The following CNTNAP5 variants were observed in gnomAD, a reference collection of about 807,000 sequenced individuals.
CNTNAP5 encodes the protein contactin associated protein family member 5, also known as contactin-associated protein-like 5.
Under a neutral mutation model 150.2 loss-of-function variants are expected in CNTNAP5, and 72 were observed. The ratio of observed to expected loss-of-function variants is 0.48; its 90% CI spans 0.40 to 0.58. The LOEUF is 0.58. Ranked by LOEUF, CNTNAP5 falls within the 20% of genes least tolerant of loss-of-function variation. The pLI is 0.00. For missense variants in CNTNAP5, 1,636 were observed against 1,626.2 expected, an observed-to-expected ratio of 1.01 and a Z score of -0.10; for synonymous variants, 672 against 619.8, an observed-to-expected ratio of 1.08 and a Z score of -1.25.
intron 11 of CNTNAP5, among the ~76,000 whole-genome samples, chr2:124,578,608 C>T (rs182624332): frequency 2.0e-5 from 3 of 151,928 alleles, no homozygotes; most frequent in Non-Finnish European, 4.4e-5. Context: ...TTATCTCTAC[C>T]GAAAACTAAA....
chr2:124,228,882 C>T (rs1686538629), intron 2 of CNTNAP5, among the ~76,000 whole-genome samples: 1 of 152,070 alleles, frequency 6.6e-6, no homozygotes. Context: ...CATCAAATCC[C>T]CCTCAAAAGG....
At chr2:124,682,680 G>A (rs543576842) in intron 13 of CNTNAP5, among the ~76,000 whole-genome samples, 1 of 152,198 alleles carries the variant, frequency 6.6e-6, no homozygotes, top group South Asian at 2.1e-4. Context: ...ACTCTGAAAT[G>A]GTTGATTTTA....
chr2:124,051,074 G>A (rs924269424), intron 1 of CNTNAP5, among the ~76,000 whole-genome samples: 3 of 152,136 alleles, frequency 2.0e-5, no homozygotes, highest in Non-Finnish European at 4.4e-5. Context: ...GGCTGAGGTG[G>A]GATAGGATCA....
intron 20 of CNTNAP5, among the ~76,000 whole-genome samples, chr2:124,869,242 A>G (rs1010111167): frequency 6.6e-6 from 1 of 152,136 alleles, no homozygotes; most frequent in Non-Finnish European, 1.5e-5. Flanking sequence ...GAATTATGGG[A>G]CAATGGGGAC....
At position 124,510,279 on chromosome 2, in the gene CNTNAP5, C is replaced by CTATATATATATCTATATATCTATATA. The variant is rs1238288039; in HGVS notation, c.1327+5728_1327+5729insATATATCTATATATCTATATATATAT. Among the ~76,000 whole-genome samples the CTATATATATATCTATATATCTATATA allele has an allele frequency of 1.7e-3, 121 of 70,992 alleles. 4 individuals carry two copies. Among genetic ancestry groups the CTATATATATATCTATATATCTATATA allele is most frequent in the African/African-American group, 6.3e-3 (119 of 19,032 alleles). The allele number at this position is 70,992 out of a possible 152,430, so 46.6% of individuals were successfully genotyped here. ...TATCTATATATCTATATATCTATAT[C>CTATATATATATCTATATATCTATATA]TATATCTATATATCTATATATCTAT... On this transcript the variant is annotated intron_variant, in intron 8 of 23. Coordinates refer to ENST00000682447, the MANE Select transcript of CNTNAP5 (RefSeq NM_001367498.1).
At chr2:124,417,181 G>A (rs1053082262) in intron 3 of CNTNAP5, among the ~76,000 whole-genome samples, 1 of 151,778 alleles carries the variant, frequency 6.6e-6, no homozygotes, top group African/African-American at 2.4e-5. Flanking sequence ...CTCATGACCC[G>A]CTTGCCTCAG....
At chr2:124,625,734 G>A (rs984389075) in intron 12 of CNTNAP5, among the ~76,000 whole-genome samples, 1 of 152,128 alleles carries the variant, frequency 6.6e-6, no homozygotes, top group African/African-American at 2.4e-5. Flanking sequence ...TGGCATCAGG[G>A]GATTGGGAGA....
Position 124,446,736 on chromosome 2 carries a change from C to T in CNTNAP5, c.734-17C>T, listed in dbSNP as rs748371620. ...CTTGGACACAGACATCATCTTGCCT[C>T]TCTCCCCTCTTCACAGGTGACAGCA... On this transcript the variant is annotated splice_polypyrimidine_tract_variant and intron_variant, in intron 5 of 23. Coordinates refer to ENST00000682447, the MANE Select transcript of CNTNAP5 (RefSeq NM_001367498.1). The T allele has an allele frequency of 1.4e-5, 22 of 1,609,492 alleles. 1 individual carries two copies. The South Asian group carries it at 2.2e-4, about 16-fold the overall frequency.
intron 1 of CNTNAP5, among the ~76,000 whole-genome samples, chr2:124,053,671 G>A (rs1375955279): frequency 1.3e-5 from 2 of 152,166 alleles, no homozygotes; most frequent in Non-Finnish European, 2.9e-5. Flanking sequence ...CTAGTACAGT[G>A]TCAGGTACAA....
intron 7 of CNTNAP5, among the ~76,000 whole-genome samples, chr2:124,495,459 G>C (rs1344069687): frequency 6.6e-6 from 1 of 152,214 alleles, no homozygotes; most frequent in East Asian, 1.9e-4. Context: ...GAGGCCAAAG[G>C]CAGCATGTGG....
chr2:124,689,968 C>G (rs1679267995), intron 13 of CNTNAP5, among the ~76,000 whole-genome samples: 1 of 151,706 alleles, frequency 6.6e-6, no homozygotes, highest in South Asian at 2.1e-4. Flanking sequence ...AGGGGAAGTT[C>G]TGTTCTCCCT....
At chr2:124,313,305 C>T (rs904363129) in intron 3 of CNTNAP5, among the ~76,000 whole-genome samples, 4 of 152,156 alleles carry the variant, frequency 2.6e-5, no homozygotes, top group Admixed American at 6.5e-5. Flanking sequence ...TACATTTAGG[C>T]ATCCAATCAT....
intron 1 of CNTNAP5, among the ~76,000 whole-genome samples, chr2:124,163,494 A>T (rs1684736473): frequency 6.6e-6 from 1 of 152,174 alleles, no homozygotes; most frequent in African/African-American, 2.4e-5. Flanking sequence ...TCTGATCTAC[A>T]TGAAGATGCT....
intron 16 of CNTNAP5, among the ~76,000 whole-genome samples, chr2:124,764,751 T>C (rs571654355): frequency 6.0e-4 from 91 of 152,274 alleles, no homozygotes; most frequent in Admixed American, 1.0e-3. Context: ...GGAATACAGA[T>C]GGTGACATTT....
chr2:124,885,665 T>C (rs1678065891), intron 21 of CNTNAP5, among the ~76,000 whole-genome samples: 1 of 151,904 alleles, frequency 6.6e-6, no homozygotes, highest in Non-Finnish European at 1.5e-5. Context: ...AGCTGCTTTC[T>C]GTCTGTATTG....
At chr2:124,880,898 G>A (rs952883958) in intron 21 of CNTNAP5, among the ~76,000 whole-genome samples, 2 of 152,138 alleles carry the variant, frequency 1.3e-5, no homozygotes, top group Non-Finnish European at 2.9e-5. Flanking sequence ...CTTGACTTTA[G>A]TCCTGAAGCA....
chr2:124,704,918 A>G (rs1331333592), intron 13 of CNTNAP5, among the ~76,000 whole-genome samples: 1 of 152,124 alleles, frequency 6.6e-6, no homozygotes, highest in African/African-American at 2.4e-5. Flanking sequence ...AAGTTTGACT[A>G]AAATACCACT....
intron 21 of CNTNAP5, among the ~76,000 whole-genome samples, chr2:124,883,076 T>C (rs1303742526): frequency 2.3e-5 from 1 of 43,462 alleles, no homozygotes; most frequent in East Asian, 6.9e-3. Flanking sequence ...TTCTCTTTTT[T>C]TTTTTTTTTT....
rs1558894035 is a variant in CNTNAP5, at chr2:124,419,952, CTT to C, written c.529+2364_529+2365del. The stretch of plus-strand genomic sequence containing the variant: ...TCTTTCTTTCTTTCTTTCTTTCTTT[CTT>C]TCCTTTTCTCTCTCTCTCTTTCTTT... On this transcript the variant is annotated intron_variant, in intron 4 of 23. Coordinates refer to ENST00000682447, the MANE Select transcript of CNTNAP5 (RefSeq NM_001367498.1). Among the ~76,000 whole-genome samples the C allele has an allele frequency of 2.5e-3, 191 of 75,670 alleles. 5 individuals carry two copies. Among genetic ancestry groups the C allele is most frequent in the African/African-American group, 5.1e-3 (91 of 17,792 alleles). 49.6% of individuals were successfully genotyped at this position (75,670 alleles called of 152,430 possible).
Sources: gnomAD v4.1 joint callset for allele counts (sites outside exome capture counted in the v4.1 genomes callset) on GRCh38, gnomAD v4.1.1 for gene constraint, MANE v1.5 for transcripts, NCBI Gene and HGNC (gene_info 2026-07-23, HGNC 2026-07-21) for gene names.